Variants in NPAS3 observed in about 807,000 individuals in gnomAD.
NPAS3 encodes neuronal PAS domain protein 3.
Under a neutral mutation model 73.1 loss-of-function variants are expected in NPAS3, and 14 were observed. That is an observed-to-expected ratio of 0.19 (90% CI 0.13 to 0.30). The LOEUF (loss-of-function observed/expected upper bound fraction) is 0.30. Ranked by LOEUF, NPAS3 falls within the 10% of genes least tolerant of loss-of-function variation. The probability of loss-of-function intolerance (pLI) is 1.00; values close to 1 mark genes in which losing one functional copy is unlikely to be tolerated. For missense variants in NPAS3, 1,096 were observed against 1,250.0 expected (o/e 0.88, Z 1.86); for synonymous variants, 620 against 541.5 (o/e 1.14, Z -2.01).
At chr14:33,091,843 G>A (rs2042235917) in intron 2 of NPAS3, among the ~76,000 whole-genome samples, 1 of 152,020 alleles carries the variant, frequency 6.6e-6, no homozygotes, top group Admixed American at 6.6e-5. Context: ...ATGTAATCCA[G>A]CATATAAACA....
At chr14:33,063,130 A>T (rs1316096761) in intron 2 of NPAS3, among the ~76,000 whole-genome samples, 1 of 152,168 alleles carries the variant, frequency 6.6e-6, no homozygotes, top group Non-Finnish European at 1.5e-5. Flanking sequence ...CTGTTTGCTT[A>T]TCTCTAAAAG....
intron 1 of NPAS3, among the ~76,000 whole-genome samples, chr14:32,944,203 C>G (rs1285398331): frequency 2.0e-5 from 3 of 152,138 alleles, no homozygotes; most frequent in Admixed American, 2.0e-4. Context: ...GCAGAGGTAG[C>G]TCCTGCCACC....
At chr14:33,501,762 G>GCTCT (rs2052530703) in intron 4 of NPAS3, among the ~76,000 whole-genome samples, 2 of 151,744 alleles carry the variant, frequency 1.3e-5, no homozygotes, top group East Asian at 3.9e-4. Context: ...GGGAAGAAAG[G>GCTCT]CTCTCCTAAG....
chr14:33,735,011 C>T (rs184879130), intron 6 of NPAS3, among the ~76,000 whole-genome samples: 25 of 152,230 alleles, frequency 1.6e-4, no homozygotes, highest in Admixed American at 5.2e-4. Context: ...GAAACTGGAA[C>T]GAGGTGACTC....
intron 6 of NPAS3, among the ~76,000 whole-genome samples, chr14:33,714,024 A>G (rs1256618644): frequency 6.6e-6 from 1 of 152,056 alleles, no homozygotes; most frequent in Non-Finnish European, 1.5e-5. Context: ...TCCTTCCTTC[A>G]AGTCTGTAAT....
At chr14:32,938,514 A>AGAGAGAGAGAGAGAGAGG (rs1566779451), upstream of NPAS3, among the ~76,000 whole-genome samples, 3 of 121,142 alleles carry the variant, frequency 2.5e-5, no homozygotes, top group Non-Finnish European at 5.4e-5. Flanking sequence ...AGAGAGAGAG[A>AGAGAGAGAGAGAGAGAGG]GAGAGAGAGA....
intron 6 of NPAS3, among the ~76,000 whole-genome samples, chr14:33,701,961 C>A (rs780634884): frequency 2.6e-5 from 4 of 152,116 alleles, no homozygotes; most frequent in Non-Finnish European, 5.9e-5. Context: ...GTAGAACCAA[C>A]TATATAGGAA....
intron 5 of NPAS3, among the ~76,000 whole-genome samples, chr14:33,607,076 C>CTAGA (rs2057592561): frequency 6.6e-6 from 1 of 152,184 alleles, no homozygotes; most frequent in African/African-American, 2.4e-5. Flanking sequence ...TGTGGTAGAA[C>CTAGA]TAGAATGCTC....
chr14:33,564,622 T>A (rs939543404), intron 5 of NPAS3, among the ~76,000 whole-genome samples: 1 of 152,196 alleles, frequency 6.6e-6, no homozygotes, highest in African/African-American at 2.4e-5. Flanking sequence ...ACTCACATCC[T>A]GCATTTTCTT....
intron 1 of NPAS3, among the ~76,000 whole-genome samples, chr14:32,985,426 C>T (rs1385849132): frequency 1.3e-5 from 2 of 152,094 alleles, no homozygotes; most frequent in African/African-American, 2.4e-5. Context: ...AATACTCAGC[C>T]TTGTTGTTAG....
intron 3 of NPAS3, among the ~76,000 whole-genome samples, chr14:33,301,000 G>T (rs1175347422): frequency 2.0e-5 from 3 of 152,174 alleles, no homozygotes; most frequent in South Asian, 2.1e-4. Context: ...GGGGATAGCA[G>T]GTGGCTTTGA....
At chr14:33,052,996 TTTG>T (rs1466596407) in intron 1 of NPAS3, among the ~76,000 whole-genome samples, 1 of 152,178 alleles carries the variant, frequency 6.6e-6, no homozygotes, top group Non-Finnish European at 1.5e-5. Flanking sequence ...AAAAATTCAT[TTTG>T]TTATGAACTA....
intron 3 of NPAS3, among the ~76,000 whole-genome samples, chr14:33,224,844 G>T (rs1306612337): frequency 2.0e-5 from 3 of 152,054 alleles, no homozygotes; most frequent in African/African-American, 4.8e-5. Context: ...TCTATGAAAA[G>T]AATAATTTTA....
intron 9 of NPAS3, among the ~76,000 whole-genome samples, chr14:33,789,246 G>T (rs1168047498): frequency 6.6e-6 from 1 of 152,168 alleles, no homozygotes; most frequent in Non-Finnish European, 1.5e-5. Flanking sequence ...CTCACAAGTG[G>T]AAGGTCACCT....
intron 2 of NPAS3, among the ~76,000 whole-genome samples, chr14:33,109,211 T>G (rs550622684): frequency 2.0e-5 from 3 of 152,174 alleles, no homozygotes; most frequent in Non-Finnish European, 4.4e-5. Context: ...AGCATGAGGT[T>G]AGAATACAGT....
intron 4 of NPAS3, among the ~76,000 whole-genome samples, chr14:33,433,841 T>A (rs966232201): frequency 6.6e-6 from 1 of 152,314 alleles, no homozygotes; most frequent in Admixed American, 6.5e-5. Context: ...ACTGTAGACA[T>A]CTTTTTAAAA....
chr14:33,470,807 G>A (rs997708449), intron 4 of NPAS3, among the ~76,000 whole-genome samples: 3 of 151,926 alleles, frequency 2.0e-5, no homozygotes, highest in Admixed American at 2.0e-4. Context: ...AAGTTAACTA[G>A]ACACACTTTA....
intron 3 of NPAS3, among the ~76,000 whole-genome samples, chr14:33,278,451 C>T (rs2041437594): frequency 6.6e-6 from 1 of 150,716 alleles, no homozygotes; most frequent in South Asian, 2.1e-4. Flanking sequence ...TGGGAAGATC[C>T]AGCCAATGAC....
At chr14:33,095,820 C>T (rs953183917) in intron 2 of NPAS3, among the ~76,000 whole-genome samples, 1 of 151,720 alleles carries the variant, frequency 6.6e-6, no homozygotes, top group Admixed American at 6.6e-5. Flanking sequence ...AGGCGCCCAC[C>T]ACCATGCCCG....
Sources: gnomAD v4.1 joint callset for allele counts (sites outside exome capture counted in the v4.1 genomes callset) on GRCh38, gnomAD v4.1.1 for gene constraint, MANE v1.5 for transcripts, NCBI Gene and HGNC (gene_info 2026-07-23, HGNC 2026-07-21) for gene names.